Variants in NFYC observed in about 807,000 individuals in gnomAD.
NFYC encodes the protein CAAT box DNA-binding protein subunit C.
In NFYC, 25 loss-of-function variants were observed where a neutral mutation model predicts 53.1. That is an observed-to-expected ratio of 0.47 (90% CI 0.34 to 0.66). The LOEUF is 0.66. NFYC is among the 30% of genes least tolerant of loss of function. NFYC has a pLI of 0.01. For missense variants in NFYC, 260 were observed against 422.7 expected, an observed-to-expected ratio of 0.62 and a Z score of 3.38; for synonymous variants, 145 against 152.6, an observed-to-expected ratio of 0.95 and a Z score of 0.37.
chr1:40,761,522 G>A (rs1557915521), intron 6 of NFYC, among the ~76,000 whole-genome samples: 2 of 152,188 alleles, frequency 1.3e-5, no homozygotes, highest in Non-Finnish European at 2.9e-5. Context: ...TGGAGGTTGG[G>A]AATAGGCTGA....
At chr1:40,737,826 A>C (rs1005077109) in intron 1 of NFYC, among the ~76,000 whole-genome samples, 14 of 152,116 alleles carry the variant, frequency 9.2e-5, no homozygotes, top group Middle Eastern at 3.2e-3. Flanking sequence ...TAGAAGGAAT[A>C]ATCATCATCA....
chr1:40,763,544 A>C (rs1646670814), intron 7 of NFYC: 12 of 380,818 alleles, frequency 3.2e-5, no homozygotes, highest in South Asian at 2.4e-4. Context: ...ATGGGGTTTC[A>C]CAGTGTTGGC....
chr1:40,733,451 C>T lies in NFYC; in HGVS notation c.-8-5385C>T, dbSNP rs186835722. 7.8e-3 allele frequency among the ~76,000 whole-genome samples: 1,179 copies of T among 150,910 alleles called. 21 individuals are homozygous for T. The highest frequency in any genetic ancestry group is 0.027 in the African/African-American group (1,126 of 41,078). On this transcript the variant is annotated intron_variant, in intron 1 of 9. Transcript: ENST00000447388. ...AGTGAGCCAAGATCACACCATTGCA[C>T]TCCAGCCTGGGCAACAGAGCGAAAC...
intron 1 of NFYC, among the ~76,000 whole-genome samples, chr1:40,699,954 C>T (rs780918668): frequency 5.3e-5 from 8 of 152,164 alleles, no homozygotes; most frequent in South Asian, 2.1e-4. Context: ...ATACATTACG[C>T]GGTGTTACTC....
chr1:40,701,096 G>A (rs1410480780), intron 1 of NFYC, among the ~76,000 whole-genome samples: 2 of 152,098 alleles, frequency 1.3e-5, no homozygotes, highest in Non-Finnish European at 2.9e-5. Flanking sequence ...GTCCAACCCT[G>A]TATACCTTTC....
rs1020316496 is a variant in NFYC, at chr1:40,768,001, G to A, written c.828+1298G>A. Among the ~76,000 whole-genome samples, 8 of 152,098 alleles carry A rather than the reference G, an allele frequency of 5.3e-5. No individual in the cohort carries two copies. In the South Asian group the frequency reaches 6.2e-4, roughly 12 times the overall value. ...AAAAAATAAAAATTAAAAAAAGTCC[G>A]TTTTGGGAACAGAACTAAAGCCAAA... On this transcript the variant is annotated intron_variant, in intron 8 of 9. Transcript: ENST00000447388.
chr1:40,761,729 T>A (rs1284908673), intron 6 of NFYC, among the ~76,000 whole-genome samples: 2 of 152,240 alleles, frequency 1.3e-5, no homozygotes, highest in Admixed American at 6.5e-5. Context: ...TGCATAGTTG[T>A]AATTTTCAGT....
intron 1 of NFYC, chr1:40,723,634 AG>A (rs1644404125): frequency 6.6e-6 from 1 of 152,204 alleles, no homozygotes; most frequent in Non-Finnish European, 1.5e-5. Context: ...CTTTAAAACA[AG>A]ATCAGAATAT....
intron 1 of NFYC, among the ~76,000 whole-genome samples, chr1:40,710,976 T>C (rs1643910356): frequency 6.6e-6 from 1 of 152,196 alleles, no homozygotes; most frequent in Non-Finnish European, 1.5e-5. Flanking sequence ...AGTAGGAATA[T>C]GTTATAGATT....
At chr1:40,729,884 C>T (rs1644686917) in intron 1 of NFYC, among the ~76,000 whole-genome samples, 1 of 152,138 alleles carries the variant, frequency 6.6e-6, no homozygotes, top group Admixed American at 6.6e-5. Flanking sequence ...TCATGTTGGT[C>T]AGGGTGGTCT....
In NFYC at chr1:40,766,845, T is replaced by G. The variant is rs1646836935; in HGVS notation, c.828+142T>G. On this transcript the variant is annotated intron_variant, in intron 8 of 9. Coordinates refer to ENST00000447388, the MANE Select transcript of NFYC (RefSeq NM_014223.5). Reference sequence around the variant, plus strand: ...CACCCCCACACCCTCCATATCCTTCTGCACCCAAGAGGCATGGGTGGTAAT... The same window carrying G: ...CACCCCCACACCCTCCATATCCTTCGGCACCCAAGAGGCATGGGTGGTAAT... The G allele has an allele frequency of 2.3e-5, 34 of 1,503,038 alleles. No homozygotes were observed. The South Asian group carries it at 3.8e-4, about 17-fold the overall frequency. 93.1% of individuals were successfully genotyped at this position (1,503,038 alleles called of 1,614,324 possible).
intron 2 of NFYC, among the ~76,000 whole-genome samples, chr1:40,744,616 C>T (rs1228266798): frequency 6.6e-6 from 1 of 152,178 alleles, no homozygotes; most frequent in African/African-American, 2.4e-5. Flanking sequence ...GCATTTTTAA[C>T]GTAGTTCTTT....
chr1:40,754,522 G>T (rs2148708929), intron 5 of NFYC: 2 of 459,154 alleles, frequency 4.4e-6, no homozygotes, highest in African/African-American at 2.0e-5. Context: ...CCTCTTGGGG[G>T]TCCTTCCCTC....
At chr1:40,757,756 A>C (rs1646306527) in intron 5 of NFYC, among the ~76,000 whole-genome samples, 1 of 152,202 alleles carries the variant, frequency 6.6e-6, no homozygotes, top group Non-Finnish European at 1.5e-5. Flanking sequence ...CATCTTCCCA[A>C]CACTTGCAAT....
At position 40,723,616 on chromosome 1, in the gene NFYC, T is replaced by G. The variant is rs1166488267; in HGVS notation, c.-8-15220T>G. ...GTAAATCAGGGATAAATAAAACACC[T>G]AACAGTGCTTTAAAACAAGATCAGA... On this transcript the variant is annotated intron_variant, in intron 1 of 9. Coordinates refer to ENST00000447388, the MANE Select transcript of NFYC (RefSeq NM_014223.5). 5 of 152,204 alleles carry G rather than the reference T, an allele frequency of 3.3e-5. No individual in the cohort carries two copies. In the East Asian group the frequency reaches 9.6e-4, roughly 29 times the overall value. The allele number at this position is 152,204 out of a possible 1,614,324, so 9.4% of individuals were successfully genotyped here. A position where few individuals can be genotyped will look rare whatever the true frequency, so the allele number is the denominator to read the frequency against.
At chr1:40,693,652 TTAAG>T (rs917982354) in intron 1 of NFYC, among the ~76,000 whole-genome samples, 58 of 152,188 alleles carry the variant, frequency 3.8e-4, no homozygotes, top group Admixed American at 2.6e-4. Context: ...ATCAGAGAGT[TTAAG>T]TAGCTTGTCT....
chr1:40,696,047 G>A (rs1246165240), intron 1 of NFYC, among the ~76,000 whole-genome samples: 11 of 125,536 alleles, frequency 8.8e-5, no homozygotes, highest in Non-Finnish European at 1.6e-4. Context: ...TTTTGAGATA[G>A]AGTCTCGCAC....
intron 1 of NFYC, among the ~76,000 whole-genome samples, chr1:40,700,665 T>A (rs553980406): frequency 1.3e-5 from 2 of 152,300 alleles, no homozygotes; most frequent in Non-Finnish European, 2.9e-5. Flanking sequence ...TTTTTTGAGA[T>A]GGAGTCTCAC....
intron 1 of NFYC, among the ~76,000 whole-genome samples, chr1:40,725,623 C>T (rs1031002988): frequency 5.3e-5 from 8 of 152,214 alleles, no homozygotes; most frequent in Non-Finnish European, 4.4e-5. Context: ...CCCTTTCCCT[C>T]ATCCATCCAT....
Sources: gnomAD v4.1 joint callset for allele counts (sites outside exome capture counted in the v4.1 genomes callset) on GRCh38, gnomAD v4.1.1 for gene constraint, MANE v1.5 for transcripts, NCBI Gene and HGNC (gene_info 2026-07-23, HGNC 2026-07-21) for gene names.